AHDC1: variants seen among roughly 807,000 people sequenced by gnomAD.
AHDC1 encodes the protein transcription factor Gibbin.
Under a neutral mutation model 87.9 loss-of-function variants are expected in AHDC1, and 7 were observed. That is an observed-to-expected ratio of 0.08 (90% CI 0.05 to 0.15). The LOEUF (loss-of-function observed/expected upper bound fraction) is 0.15, where lower values mean the gene tolerates loss of function less well. AHDC1 is among the 10% of genes least tolerant of loss of function. The pLI is 1.00. For synonymous variants in AHDC1, 1,051 were observed against 1,006.8 expected, an observed-to-expected ratio of 1.04 and a Z score of -0.83; for missense variants, 1,841 against 2,253.2, an observed-to-expected ratio of 0.82 and a Z score of 3.70.
At chr1:27,582,183 A>G (rs2088927454) in intron 3 of AHDC1, among the ~76,000 whole-genome samples, 1 of 152,104 alleles carries the variant, frequency 6.6e-6, no homozygotes, top group South Asian at 2.1e-4. Context: ...ATCTCTTTTC[A>G]TCTATCCTCT....
intron 3 of AHDC1, among the ~76,000 whole-genome samples, chr1:27,592,931 G>A (rs1288147579): frequency 1.2e-4 from 18 of 152,214 alleles, no homozygotes; most frequent in Admixed American, 1.2e-3. Flanking sequence ...AGGAGGCGCA[G>A]GCTGGACGGG....
chr1:27,562,180 G>A lies in AHDC1; in HGVS notation c.-628-3297C>T, dbSNP rs1468937789. On this transcript the variant is annotated intron_variant, in intron 3 of 8. Coordinates refer to ENST00000673934, the MANE Select transcript of AHDC1 (RefSeq NM_001371928.1). The surrounding 1 kb of genome is among the most constrained non-coding windows in gnomAD (Gnocchi z 4.4). ...AGTAGACAGGCCAGAGCTGGGATGT[G>A]TGGGCAGGGGGAGTGGACGCGCCCA... Among the ~76,000 whole-genome samples the A allele has an allele frequency of 2.9e-4, 44 of 152,140 alleles. No homozygotes were observed. Among genetic ancestry groups the A allele is most frequent in the Non-Finnish European group, 2.9e-5 (2 of 67,992 alleles).
Position 27,547,247 on chromosome 1 carries a change from A to G in AHDC1, c.*43+14T>C. 6.7e-7 allele frequency: 1 copy of G among 1,489,480 alleles called. No individual in the cohort carries two copies. Among genetic ancestry groups the G allele is most frequent in the Middle Eastern group, 1.9e-4 (1 of 5,210 alleles). The allele number at this position is 1,489,480 out of a possible 1,614,324, so 92.3% of individuals were successfully genotyped here. A position where few individuals can be genotyped will look rare whatever the true frequency, so the allele number is the denominator to read the frequency against. ...CCAGGCCTCTGCCCACTGCGCCCAC[A>G]TCCCCAGACTCACCCAGGAACAAAA... On this transcript the variant is annotated intron_variant, in intron 8 of 8. Coordinates refer to ENST00000673934, the MANE Select transcript of AHDC1 (RefSeq NM_001371928.1). This position sits in a 1 kb window ranked among gnomAD's most constrained non-coding sequence, Gnocchi z 4.9.
chr1:27,557,271 T>G (rs1369775926), intron 5 of AHDC1, among the ~76,000 whole-genome samples: 2 of 77,248 alleles, frequency 2.6e-5, no homozygotes, highest in Non-Finnish European at 2.7e-5. Flanking sequence ...TCCGCCCCCC[T>G]CCCCTCCTGC....
intron 8 of AHDC1, among the ~76,000 whole-genome samples, chr1:27,542,461 G>GT: frequency 6.6e-6 from 1 of 152,222 alleles, no homozygotes; most frequent in African/African-American, 2.4e-5. Flanking sequence ...TTGGAGGTGT[G>GT]TGACTCACAC....
At chr1:27,568,245 G>A (rs1027835393) in intron 3 of AHDC1, 1 of 152,286 alleles carries the variant, frequency 6.6e-6, no homozygotes, top group Non-Finnish European at 1.5e-5. Context: ...GCTGGCAGTA[G>A]TGCTGGTACT....
intron 3 of AHDC1, among the ~76,000 whole-genome samples, chr1:27,601,779 G>A (rs1419018866): frequency 6.6e-6 from 1 of 152,158 alleles, no homozygotes; most frequent in African/African-American, 2.4e-5. Context: ...CAGCCACACA[G>A]AACAGGAACA....
Position 27,563,030 on chromosome 1 carries a change from C to T in AHDC1, c.-628-4147G>A, listed in dbSNP as rs190623807. Among the ~76,000 whole-genome samples, 5 of 152,224 alleles carry T rather than the reference C, an allele frequency of 3.3e-5. No individual in the cohort carries two copies. The East Asian group carries it at 9.6e-4, about 29-fold the overall frequency. On this transcript the variant is annotated intron_variant, in intron 3 of 8. Coordinates refer to ENST00000673934, the MANE Select transcript of AHDC1 (RefSeq NM_001371928.1). This position sits in a 1 kb window ranked among gnomAD's most constrained non-coding sequence, Gnocchi z 6.1. ...ACAGCATGGGGCAGGCGTCTGTTAC[C>T]CCTCACAGTGGCATAACTGACACGC... is the stretch of plus-strand genomic sequence containing the variant.
At chr1:27,581,018 A>T (rs2088893314) in intron 3 of AHDC1, among the ~76,000 whole-genome samples, 1 of 152,152 alleles carries the variant, frequency 6.6e-6, no homozygotes, top group Admixed American at 6.6e-5. Flanking sequence ...TATTTTTAGT[A>T]GAGACGAGGT....
chr1:27,542,857 T>C (rs1432739646), intron 8 of AHDC1, among the ~76,000 whole-genome samples: 1 of 152,116 alleles, frequency 6.6e-6, no homozygotes, highest in Non-Finnish European at 1.5e-5. Context: ...GGCCTAAACA[T>C]GGCTGCAGGA....
chr1:27,586,827 G>A (rs960463972), intron 3 of AHDC1, among the ~76,000 whole-genome samples: 2 of 152,310 alleles, frequency 1.3e-5, no homozygotes, highest in African/African-American at 2.4e-5. Flanking sequence ...CCTCTAGGTC[G>A]GGGGGTTGGA....
chr1:27,539,996 C>A (rs1403419716), intron 8 of AHDC1, among the ~76,000 whole-genome samples: 1 of 152,128 alleles, frequency 6.6e-6, no homozygotes, highest in Non-Finnish European at 1.5e-5. Flanking sequence ...CCACTCTCCA[C>A]CCTCCAGCTG....
chr1:27,561,830 GC>G lies in AHDC1; in HGVS notation c.-628-2948del, dbSNP rs2020099704. 6.6e-6 allele frequency among the ~76,000 whole-genome samples: 1 copy of G among 152,084 alleles called. No individual in the cohort carries two copies. Among genetic ancestry groups the G allele is most frequent in the Non-Finnish European group, 1.5e-5 (1 of 68,010 alleles). On this transcript the variant is annotated intron_variant, in intron 3 of 8. Transcript: ENST00000673934. The surrounding 1 kb of genome is among the most constrained non-coding windows in gnomAD (Gnocchi z 4.2). The stretch of plus-strand genomic sequence containing the variant: ...GAGAAAGACAGAAACTGGAAGACGG[GC>G]ACGCACAAACACAAAAGCAGAGACG...
intron 5 of AHDC1, 141 bp from the exon 6 acceptor site, chr1:27,553,326 A>C (rs1490424155): frequency 6.6e-6 from 1 of 152,282 alleles, no homozygotes; most frequent in African/African-American, 2.4e-5. Context: ...CCCATTTTGC[A>C]GATGAAGAAA....
At chr1:27,543,407 C>G (rs1221667026) in intron 8 of AHDC1, among the ~76,000 whole-genome samples, 1 of 152,234 alleles carries the variant, frequency 6.6e-6, no homozygotes, top group Admixed American at 6.5e-5. Context: ...TTCTGTTCCC[C>G]GTCCCATCAG....
In AHDC1 at chr1:27,549,296, T is replaced by G; in HGVS notation, c.2820A>C (p.Ala940=). 6.2e-7 allele frequency: 1 copy of G among 1,604,888 alleles called. No individual in the cohort carries two copies. Among genetic ancestry groups the G allele is most frequent in the Non-Finnish European group, 8.5e-7 (1 of 1,173,630 alleles). ...GCACCAGCTTGGGGAAGGTCTCGGC[T>G]GCCCGGCAGTCTGAAGCGGCTGGAG... ...GLTPAASDCR[A]AETFPKLVPP... Residue 940 remains alanine (A), a synonymous_variant, in exon 8 of 9, where the codon GCA becomes GCC. Transcript: ENST00000673934.
intron 3 of AHDC1, among the ~76,000 whole-genome samples, chr1:27,570,262 C>T (rs1186656827): frequency 6.6e-6 from 1 of 152,082 alleles, no homozygotes. Context: ...GGGCTATTTT[C>T]GCTCTGGGAT....
intron 3 of AHDC1, among the ~76,000 whole-genome samples, chr1:27,594,759 G>C (rs1024357331): frequency 6.6e-6 from 1 of 152,164 alleles, no homozygotes; most frequent in African/African-American, 2.4e-5. Flanking sequence ...GGAACAAGGT[G>C]GGGGAGAGGG....
In AHDC1 at chr1:27,595,197, G is replaced by A. The variant is rs143457100; in HGVS notation, c.-629+8200C>T. On this transcript the variant is annotated intron_variant, in intron 3 of 8. Coordinates refer to ENST00000673934, the MANE Select transcript of AHDC1 (RefSeq NM_001371928.1). The surrounding 1 kb of genome is among the most constrained non-coding windows in gnomAD (Gnocchi z 4.0). The stretch of plus-strand genomic sequence containing the variant: ...CTTGTTTGAGTGGGTGTTTGAAGCA[G>A]TGAGTGTATGTGTGTTGTAGGGGGA... Among the ~76,000 whole-genome samples the A allele has an allele frequency of 3.0e-4, 45 of 152,208 alleles. No individual in the cohort carries two copies. The highest frequency in any genetic ancestry group is 9.9e-4 in the African/African-American group (41 of 41,506).
Sources: gnomAD v4.1 joint callset for allele counts (sites outside exome capture counted in the v4.1 genomes callset) on GRCh38, gnomAD v4.1.1 for gene constraint, Gnocchi (gnomAD v3.1) non-coding constraint, MANE v1.5 for transcripts, NCBI Gene and HGNC (gene_info 2026-07-23, HGNC 2026-07-21) for gene names.